TPD52: variants seen among roughly 807,000 people sequenced by gnomAD.
TPD52 encodes the protein prostate and colon associated protein.
TPD52 carries 17 observed loss-of-function variants against 31.3 expected under a neutral mutation model. That is an observed-to-expected ratio of 0.54 (90% CI 0.37 to 0.82). The LOEUF is 0.82. TPD52 is among the 40% of genes least tolerant of loss of function. The probability of loss-of-function intolerance (pLI) is 0.00; values close to 1 mark genes in which losing one functional copy is unlikely to be tolerated. For missense variants in TPD52, 212 were observed against 240.1 expected (o/e 0.88, Z 0.77); for synonymous variants, 83 against 89.6 (o/e 0.93, Z 0.42).
At chr8:80,031,874 CT>C (rs1368067358), downstream of TPD52, among the ~76,000 whole-genome samples, 6 of 151,856 alleles carry the variant, frequency 4.0e-5, no homozygotes, top group African/African-American at 1.5e-4. Flanking sequence ...AAACACACCC[CT>C]GGCGTGGTGG....
intron 1 of TPD52, among the ~76,000 whole-genome samples, chr8:80,116,873 T>C (rs559686241): frequency 6.6e-6 from 1 of 151,958 alleles, no homozygotes; most frequent in African/African-American, 2.4e-5. Context: ...AATGTAATCA[T>C]ATCAATAGAT....
In TPD52 at chr8:80,045,831, A is replaced by C. The variant is rs1810791857; in HGVS notation, c.414-1623T>G. On this transcript the variant is annotated intron_variant, in intron 5 of 7. Coordinates refer to ENST00000518937, the MANE Select transcript of TPD52 (RefSeq NM_001025253.3). ...CACATTCTTCTTTTTAGGTGAGCTAAAAGTTACATAGCTTTCTGTTCCTAA... is the reference window on the plus strand; with the variant it reads ...CACATTCTTCTTTTTAGGTGAGCTACAAGTTACATAGCTTTCTGTTCCTAA... Among the ~76,000 whole-genome samples the C allele has an allele frequency of 2.6e-5, 4 of 152,344 alleles. No homozygotes were observed. In the South Asian group the frequency reaches 8.3e-4, roughly 32 times the overall value.
chr8:80,149,870 A>C (rs779536181), intron 1 of TPD52, among the ~76,000 whole-genome samples: 1 of 152,208 alleles, frequency 6.6e-6, no homozygotes, highest in Non-Finnish European at 1.5e-5. Flanking sequence ...AAGTTTGGAA[A>C]ATTTGCAGTA....
chr8:80,131,754 A>G (rs73691200), intron 1 of TPD52, among the ~76,000 whole-genome samples: 25,118 of 151,972 alleles, frequency 0.17, 3,333 homozygotes, highest in African/African-American at 0.37. Context: ...ACAGCCACAC[A>G]CCCCTTTACA....
intron 1 of TPD52, among the ~76,000 whole-genome samples, chr8:80,149,181 G>T (rs1223958775): frequency 6.6e-6 from 1 of 152,158 alleles, no homozygotes; most frequent in South Asian, 2.1e-4. Flanking sequence ...GTTGTGGGAG[G>T]GACCCAGTGG....
At chr8:80,049,708 C>T (rs1419872238) in intron 5 of TPD52, among the ~76,000 whole-genome samples, 1 of 152,186 alleles carries the variant, frequency 6.6e-6, no homozygotes, top group Non-Finnish European at 1.5e-5. Flanking sequence ...AAGAGTCTGC[C>T]TGGGAAAGAG....
intron 1 of TPD52, chr8:80,122,706 C>T (rs925219338): frequency 2.0e-5 from 3 of 152,338 alleles, no homozygotes; most frequent in East Asian, 1.9e-4. Flanking sequence ...TAATACAGTG[C>T]TTAATAAACT....
rs145529947 is a variant in TPD52 at position 80,101,083 on chromosome 8, G to A, written c.20-36490C>T. 3.2e-3 allele frequency among the ~76,000 whole-genome samples: 484 copies of A among 152,276 alleles called. 4 individuals carry two copies. Among genetic ancestry groups the A allele is most frequent in the African/African-American group, 0.011 (456 of 41,548 alleles). On this transcript the variant is annotated intron_variant, in intron 1 of 7. Coordinates refer to ENST00000518937, the MANE Select transcript of TPD52 (RefSeq NM_001025253.3). ...TGAACGTATTAGCAGCAGGGACCCA[G>A]ACAACAACATATTTAAAAGAGAAGA...
chr8:80,130,617 T>A (rs1438099498), intron 1 of TPD52, among the ~76,000 whole-genome samples: 1 of 152,102 alleles, frequency 6.6e-6, no homozygotes, highest in Non-Finnish European at 1.5e-5. Context: ...AGTCAAGAAA[T>A]CACAACAAGA....
chr8:80,101,578 G>A (rs774579788), intron 1 of TPD52, among the ~76,000 whole-genome samples: 1 of 152,020 alleles, frequency 6.6e-6, no homozygotes, highest in South Asian at 2.1e-4. Context: ...TCATGGTTCT[G>A]CAGGCTGTAC....
chr8:80,128,238 C>CT (rs2131068089), intron 1 of TPD52, among the ~76,000 whole-genome samples: 1 of 151,712 alleles, frequency 6.6e-6, no homozygotes, highest in East Asian at 1.9e-4. Flanking sequence ...CTGATTTTTA[C>CT]TTTTATTCAT....
chr8:80,098,219 C>A (rs929823313), intron 1 of TPD52, among the ~76,000 whole-genome samples: 2 of 152,226 alleles, frequency 1.3e-5, no homozygotes, highest in African/African-American at 4.8e-5. Context: ...GCTAATACAA[C>A]ATACATTCTG....
At chr8:80,071,648 G>A (rs2130754135) in intron 1 of TPD52, among the ~76,000 whole-genome samples, 1 of 152,162 alleles carries the variant, frequency 6.6e-6, no homozygotes, top group South Asian at 2.1e-4. Context: ...GAGACGTCAT[G>A]GCTCCATCTC....
chr8:80,081,219 G>T (rs927374830), intron 1 of TPD52, among the ~76,000 whole-genome samples: 1 of 135,814 alleles, frequency 7.4e-6, no homozygotes, highest in Non-Finnish European at 1.5e-5. Flanking sequence ...CAAAGGAGAA[G>T]AATCTACTTT....
intron 1 of TPD52, among the ~76,000 whole-genome samples, chr8:80,108,214 T>C (rs181563996): frequency 1.3e-5 from 2 of 152,328 alleles, no homozygotes; most frequent in Non-Finnish European, 2.9e-5. Context: ...GAGTGGCATT[T>C]CCTGAACTCT....
chr8:80,042,796 C>T, intron 6 of TPD52, 128 bp from the exon 7 acceptor site: 9 of 739,200 alleles, frequency 1.2e-5, no homozygotes, highest in Non-Finnish European at 1.9e-5. Context: ...TAATCTGTAC[C>T]ATATATGTGC....
chr8:80,038,267 T>G (rs1451409788), intron 7 of TPD52, 32 bp from the exon 8 acceptor site: 1 of 1,609,660 alleles, frequency 6.2e-7, no homozygotes, highest in Non-Finnish European at 8.5e-7. Context: ...GGGAAAGACA[T>G]TATGAAACAT....
chr8:80,168,334 G>C (rs945765540), intron 1 of TPD52, among the ~76,000 whole-genome samples: 4 of 152,208 alleles, frequency 2.6e-5, no homozygotes, highest in Non-Finnish European at 5.9e-5. Context: ...AAGAAGGTTG[G>C]AAGAGGGATT....
chr8:80,156,183 G>C (rs922102823), intron 1 of TPD52, among the ~76,000 whole-genome samples: 1 of 152,152 alleles, frequency 6.6e-6, no homozygotes, highest in African/African-American at 2.4e-5. Context: ...CTCACATGAG[G>C]GGCTACTGAC....
Sources: gnomAD v4.1 joint callset for allele counts (sites outside exome capture counted in the v4.1 genomes callset) on GRCh38, gnomAD v4.1.1 for gene constraint, MANE v1.5 for transcripts, NCBI Gene and HGNC (gene_info 2026-07-23, HGNC 2026-07-21) for gene names.